The following ROBO2 variants were observed in gnomAD, a reference collection of about 807,000 sequenced individuals.
ROBO2 encodes roundabout guidance receptor 2.
In ROBO2, 53 loss-of-function variants were observed where a neutral mutation model predicts 160.8. The observed-to-expected ratio is 0.33, with a 90% CI of 0.26 to 0.41. ROBO2 has a LOEUF of 0.41. Among genes scored for constraint, ROBO2 ranks in the 10% least tolerant of loss-of-function variants. The pLI is 1.00. For missense variants in ROBO2, 1,577 were observed against 1,722.4 expected, an observed-to-expected ratio of 0.92 and a Z score of 1.49; for synonymous variants, 664 against 611.7, an observed-to-expected ratio of 1.09 and a Z score of -1.26.
intron 2 of ROBO2, among the ~76,000 whole-genome samples, chr3:75,987,925 C>T (rs2065457803): frequency 6.6e-6 from 1 of 151,894 alleles, no homozygotes; most frequent in South Asian, 2.1e-4. Context: ...ATTTGGTTTG[C>T]TAGTATTTTG....
chr3:76,116,980 A>C (rs1356300001), intron 2 of ROBO2, among the ~76,000 whole-genome samples: 1 of 152,200 alleles, frequency 6.6e-6, no homozygotes, highest in African/African-American at 2.4e-5. Flanking sequence ...AAACTGAAGA[A>C]ATAGATTATG....
intron 2 of ROBO2, among the ~76,000 whole-genome samples, chr3:76,227,060 T>A (rs887218480): frequency 6.6e-6 from 1 of 152,206 alleles, no homozygotes; most frequent in Non-Finnish European, 1.5e-5. Context: ...TCAAATTTAG[T>A]GTCCAACAAT....
At chr3:77,493,481 T>G in intron 5 of ROBO2, 99 bp downstream of exon 5, 1 of 1,324,634 alleles carries the variant, frequency 7.5e-7, no homozygotes, top group East Asian at 2.4e-5. Flanking sequence ...TCCTATGTCT[T>G]GGGGTACTTT....
intron 2 of ROBO2, among the ~76,000 whole-genome samples, chr3:76,986,202 G>A (rs1164428352): frequency 2.6e-5 from 4 of 152,078 alleles, no homozygotes; most frequent in Non-Finnish European, 5.9e-5. Flanking sequence ...CTATTTAAAT[G>A]TCTTGCTATA....
At chr3:76,693,874 G>A (rs897166233) in intron 2 of ROBO2, among the ~76,000 whole-genome samples, 1 of 152,146 alleles carries the variant, frequency 6.6e-6, no homozygotes, top group Admixed American at 6.5e-5. Flanking sequence ...ACCCACATTG[G>A]ATGAGCTTCA....
At chr3:77,019,975 G>C (rs1022148930) in intron 2 of ROBO2, among the ~76,000 whole-genome samples, 1 of 152,120 alleles carries the variant, frequency 6.6e-6, no homozygotes, top group Admixed American at 6.5e-5. Flanking sequence ...GTAGTGAGGT[G>C]CCAAAGGATC....
At chr3:77,035,514 GAA>G (rs2063579321), upstream of ROBO2, among the ~76,000 whole-genome samples, 1 of 151,834 alleles carries the variant, frequency 6.6e-6, no homozygotes, top group Admixed American at 6.6e-5. Context: ...ATTCTGCAGA[GAA>G]AACTCTTTTA....
chr3:77,606,064 A>G (rs1015526147), intron 20 of ROBO2, among the ~76,000 whole-genome samples: 2 of 152,206 alleles, frequency 1.3e-5, no homozygotes, highest in African/African-American at 4.8e-5. Context: ...CATCTACCTT[A>G]AAGACAAACA....
At chr3:77,136,479 CTT>C (rs59688881) in intron 2 of ROBO2, among the ~76,000 whole-genome samples, 7,534 of 67,762 alleles carry the variant, frequency 0.11, 340 homozygotes, top group East Asian at 0.16. Flanking sequence ...ATAAAATATG[CTT>C]TTTTTTTTTT....
chr3:77,563,923 G>A (rs2153663002), intron 11 of ROBO2, among the ~76,000 whole-genome samples: 1 of 152,156 alleles, frequency 6.6e-6, no homozygotes, highest in Admixed American at 6.5e-5. Flanking sequence ...AGATTTAAAT[G>A]TAAATTAGCA....
At chr3:76,652,071 A>G (rs2109896928) in intron 2 of ROBO2, among the ~76,000 whole-genome samples, 1 of 152,282 alleles carries the variant, frequency 6.6e-6, no homozygotes, top group Middle Eastern at 3.4e-3. Context: ...ATGACTGTAG[A>G]TGGGACTTCA....
At chr3:76,999,673 A>G (rs2061233766) in intron 2 of ROBO2, among the ~76,000 whole-genome samples, 2 of 152,182 alleles carry the variant, frequency 1.3e-5, no homozygotes, top group African/African-American at 4.8e-5. Context: ...ATGTGTGTCA[A>G]GACTGATAAC....
chr3:76,114,951 T>A (rs1254112405), intron 2 of ROBO2, among the ~76,000 whole-genome samples: 1 of 152,124 alleles, frequency 6.6e-6, no homozygotes, highest in Admixed American at 6.6e-5. Flanking sequence ...GGCATTTCTT[T>A]CATGTGGCTG....
At chr3:76,493,367 T>TATATATATATATATATATATAAG (rs2079957259) in intron 2 of ROBO2, among the ~76,000 whole-genome samples, 1 of 76,136 alleles carries the variant, frequency 1.3e-5, no homozygotes, top group African/African-American at 5.0e-5. Flanking sequence ...ATATATATAA[T>TATATATATATATATATATATAAG]TGTATATACA....
chr3:76,425,406 T>C (rs532519591), intron 2 of ROBO2, among the ~76,000 whole-genome samples: 1 of 152,236 alleles, frequency 6.6e-6, no homozygotes, highest in Non-Finnish European at 1.5e-5. Flanking sequence ...ACCTATACTT[T>C]CCTCTCATAA....
At chr3:76,448,372 A>T (rs2077306198) in intron 2 of ROBO2, among the ~76,000 whole-genome samples, 1 of 152,130 alleles carries the variant, frequency 6.6e-6, no homozygotes, top group South Asian at 2.1e-4. Flanking sequence ...TGACCAAAAT[A>T]TCAGCAGTGT....
chr3:76,734,552 AT>A (rs2093681040), intron 2 of ROBO2, among the ~76,000 whole-genome samples: 1 of 152,084 alleles, frequency 6.6e-6, no homozygotes, highest in African/African-American at 2.4e-5. Context: ...CAGCAAATTG[AT>A]TTTTCTTCTA....
chr3:76,071,265 C>T (rs1479042581), intron 2 of ROBO2, among the ~76,000 whole-genome samples: 1 of 152,096 alleles, frequency 6.6e-6, no homozygotes, highest in East Asian at 1.9e-4. Flanking sequence ...TTTGGATTCC[C>T]ACAAAACACT....
intron 2 of ROBO2, among the ~76,000 whole-genome samples, chr3:76,495,538 T>A (rs1035590710): frequency 3.3e-5 from 5 of 152,270 alleles, no homozygotes; most frequent in South Asian, 2.1e-4. Flanking sequence ...TTCTCCATTC[T>A]AGTATTAGGT....
Sources: gnomAD v4.1 joint callset for allele counts (sites outside exome capture counted in the v4.1 genomes callset) on GRCh38, gnomAD v4.1.1 for gene constraint, MANE v1.5 for transcripts, NCBI Gene and HGNC (gene_info 2026-07-23, HGNC 2026-07-21) for gene names.